RIT1: variants seen among roughly 807,000 people sequenced by gnomAD.
RIT1 encodes GTP-binding protein Rit1.
RIT1 carries 6 observed loss-of-function variants against 25.6 expected under a neutral mutation model. The observed-to-expected ratio is 0.23, with a 90% confidence interval of 0.13 to 0.46. The LOEUF (loss-of-function observed/expected upper bound fraction) is 0.46. Among genes scored for constraint, RIT1 ranks in the 20% least tolerant of loss-of-function variants. The pLI, the probability that RIT1 is intolerant of heterozygous loss-of-function variation, is 0.99. For synonymous variants in RIT1, 81 were observed against 94.1 expected, an observed-to-expected ratio of 0.86 and a Z score of 0.80; for missense variants, 219 against 284.4, an observed-to-expected ratio of 0.77 and a Z score of 1.65.
chr1:155,910,272 A>G, intron 3 of RIT1, 178 bp downstream of exon 3: 1 of 603,408 alleles, frequency 1.7e-6, no homozygotes, highest in South Asian at 2.1e-5. Context: ...CTTATGACAT[A>G]AAGTCTGAAA....
chr1:155,907,181 TAC>T (rs1557961216), intron 3 of RIT1, among the ~76,000 whole-genome samples: 1 of 77,692 alleles, frequency 1.3e-5, no homozygotes, highest in Non-Finnish European at 2.6e-5. Context: ...ATATTTTAGC[TAC>T]ACATACACAT....
chr1:155,907,251 T>C (rs553100496), intron 3 of RIT1, among the ~76,000 whole-genome samples: 1 of 152,004 alleles, frequency 6.6e-6, no homozygotes, highest in Non-Finnish European at 1.5e-5. Flanking sequence ...TTTTTTTTTT[T>C]TTTTTTGAGG....
chr1:155,900,124 T>G lies in RIT1; in HGVS notation c.*264A>C. ...TCTCCTGGGTATAAACAAATTTACA[T>G]TAATTAATAGCGCAACAGAACCCAA... is the stretch of plus-strand genomic sequence containing the variant. On this transcript the variant is annotated 3_prime_UTR_variant, in exon 6 of 6. Transcript: ENST00000368323. 2.3e-6 allele frequency: 1 copy of G among 433,636 alleles called. No homozygotes were observed. Among genetic ancestry groups the G allele is most frequent in the Non-Finnish European group, 4.1e-6 (1 of 242,190 alleles). 26.9% of individuals were successfully genotyped at this position (433,636 alleles called of 1,614,324 possible). A position where few individuals can be genotyped will look rare whatever the true frequency, so the allele number is the denominator to read the frequency against.
At chr1:155,902,864 A>C (rs1673341120) in intron 5 of RIT1, among the ~76,000 whole-genome samples, 1 of 151,494 alleles carries the variant, frequency 6.6e-6, no homozygotes. Flanking sequence ...ATTAAAATAA[A>C]AATTAAAAAA....
chr1:155,902,063 C>A (rs928827641), intron 5 of RIT1, among the ~76,000 whole-genome samples: 44 of 152,126 alleles, frequency 2.9e-4, no homozygotes, highest in African/African-American at 9.9e-4. Flanking sequence ...GGAGTTGTTG[C>A]CTTACTTTTT....
intron 3 of RIT1, among the ~76,000 whole-genome samples, chr1:155,909,197 A>T (rs928716670): frequency 1.2e-4 from 18 of 151,846 alleles, no homozygotes; most frequent in African/African-American, 3.9e-4. Context: ...AACACGGTGA[A>T]ATCCCATCTC....
chr1:155,905,153 G>T (rs1056871733), intron 3 of RIT1, among the ~76,000 whole-genome samples: 1 of 151,834 alleles, frequency 6.6e-6, no homozygotes, highest in Non-Finnish European at 1.5e-5. Flanking sequence ...AGTATTGTTT[G>T]AGCCCAGGAG....
At position 155,910,791 on chromosome 1, in the gene RIT1, C is replaced by T. The variant is rs754822073; in HGVS notation, c.-30G>A. 3 of 1,613,988 alleles carry T rather than the reference C, an allele frequency of 1.9e-6. No individual in the cohort carries two copies. The Admixed American group carries it at 5.0e-5, about 27-fold the overall frequency. ...CTCTTGGGGCCTTCCTCGGTTGCCC[C>T]GAGGAAAAGCCACCTAGAAAAGGAG... On this transcript the variant is annotated 5_prime_UTR_variant, in exon 2 of 6. Transcript: ENST00000368323.
chr1:155,907,959 G>A (rs571414261), intron 3 of RIT1, among the ~76,000 whole-genome samples: 3 of 151,664 alleles, frequency 2.0e-5, no homozygotes, highest in South Asian at 2.1e-4. Context: ...GCGAGGTGGC[G>A]GGTGCCTGTA....
intron 2 of RIT1, 56 bp from the exon 3 acceptor site, chr1:155,910,562 T>A: frequency 1.2e-6 from 2 of 1,608,568 alleles, no homozygotes; most frequent in Admixed American, 3.3e-5. Flanking sequence ...CAGAGAGAAT[T>A]TTAAGTATTA....
Position 155,904,410 on chromosome 1 carries a change from T to G in RIT1, c.330A>C (p.Glu110Asp). 6 of 1,614,030 alleles carry G rather than the reference T, an allele frequency of 3.7e-6. No individual in the cohort carries two copies. The highest frequency in any genetic ancestry group is 5.1e-6 in the Non-Finnish European group (6 of 1,179,912). ...AAATAAGCTGTTTAAACTCACGAAC[T>G]TCATGGAAACTTCGACGATCCGTGA... is the stretch of plus-strand genomic sequence containing the variant. ...YSITDRRSFH[E>D]VREFKQLIYR... is the part of the protein sequence containing the mutation. The change falls in exon 5 of 6, where the codon GAA becomes GAC. Residue 110 changes from glutamate to aspartate, a missense_variant. Transcript: ENST00000368323.
rs1673283050 is a variant in RIT1, at chr1:155,900,222, TTAAC to T, written c.*162_*165del. 6 of 603,200 alleles carry T rather than the reference TTAAC, an allele frequency of 9.9e-6. No homozygotes were observed. The highest frequency in any genetic ancestry group is 1.8e-5 in the Non-Finnish European group (6 of 340,228). The allele number at this position is 603,200 out of a possible 1,614,324, so 37.4% of individuals were successfully genotyped here. Reference sequence around the variant, plus strand: ...GCTCCACTGGGTTAATAAATCATACTTAACTAAGAGACAATACTTTAAATACCAC... The same window carrying T: ...GCTCCACTGGGTTAATAAATCATACTTAAGAGACAATACTTTAAATACCAC... On this transcript the variant is annotated 3_prime_UTR_variant, in exon 6 of 6. Coordinates refer to ENST00000368323, the MANE Select transcript of RIT1 (RefSeq NM_006912.6).
intron 5 of RIT1, among the ~76,000 whole-genome samples, chr1:155,901,593 G>A (rs1466321664): frequency 3.9e-5 from 6 of 152,014 alleles, no homozygotes; most frequent in East Asian, 1.9e-4. Context: ...AGCCAAGATC[G>A]CGGCACTGCA....
In RIT1 at chr1:155,900,335, G is replaced by A. The variant is rs1249428026; in HGVS notation, c.*53C>T. The A allele has an allele frequency of 1.5e-6, 2 of 1,304,532 alleles. No individual in the cohort carries two copies. Among genetic ancestry groups the A allele is most frequent in the African/African-American group, 2.9e-5 (2 of 68,714 alleles). 80.8% of individuals were successfully genotyped at this position (1,304,532 alleles called of 1,614,324 possible). A position where few individuals can be genotyped will look rare whatever the true frequency, so the allele number is the denominator to read the frequency against. ...CCATACTCAGTACTGCAGGTTACTG[G>A]ACTGCTTTGATACAGCACTGCAGTT... is the stretch of plus-strand genomic sequence containing the variant. On this transcript the variant is annotated 3_prime_UTR_variant, in exon 6 of 6. Transcript: ENST00000368323.
intron 3 of RIT1, among the ~76,000 whole-genome samples, chr1:155,907,070 T>C (rs1046068708): frequency 6.6e-6 from 1 of 151,324 alleles, no homozygotes; most frequent in African/African-American, 2.4e-5. Flanking sequence ...ATCACAACAC[T>C]GCACTCCAGC....
At chr1:155,900,722 G>T in intron 5 of RIT1, 104 bp from the exon 6 acceptor site, 1 of 907,802 alleles carries the variant, frequency 1.1e-6, no homozygotes, top group Non-Finnish European at 1.7e-6. Flanking sequence ...TCTCAATTCT[G>T]GAGGTGTTCA....
rs535279973 is a variant in RIT1 at position 155,898,653 on chromosome 1, T to C, written c.*1735A>G. 19 of 185,492 alleles carry C rather than the reference T, an allele frequency of 1.0e-4. No individual in the cohort carries two copies. The highest frequency in any genetic ancestry group is 4.3e-4 in the East Asian group (5 of 11,704). 11.5% of individuals were successfully genotyped at this position (185,492 alleles called of 1,614,324 possible). ...AATGTAAAACATTCTCATAATAGAA[T>C]TGCACTGTATTTCTTTTCTACTTTG... On this transcript the variant is annotated 3_prime_UTR_variant, in exon 6 of 6. Transcript: ENST00000368323.
intron 3 of RIT1, among the ~76,000 whole-genome samples, chr1:155,906,073 C>T (rs1276619201): frequency 6.6e-6 from 1 of 152,210 alleles, no homozygotes; most frequent in Non-Finnish European, 1.5e-5. Flanking sequence ...AAATGATCCA[C>T]CTGCCTCAGC....
chr1:155,904,835 G>A, intron 3 of RIT1, 31 bp from the exon 4 acceptor site: 1 of 1,450,640 alleles, frequency 6.9e-7, no homozygotes, highest in Non-Finnish European at 9.7e-7. Context: ...GTACTATAAA[G>A]TCATAAATGC....
Sources: gnomAD v4.1 joint callset for allele counts (sites outside exome capture counted in the v4.1 genomes callset) on GRCh38, gnomAD v4.1.1 for gene constraint, MANE v1.5 for transcripts, NCBI Gene and HGNC (gene_info 2026-07-23, HGNC 2026-07-21) for gene names.